POFUT3: variants seen among roughly 807,000 people sequenced by gnomAD.
POFUT3 encodes the protein GDP-fucose protein O-fucosyltransferase 3.
chr8:33,406,234 G>GA, the POFUT3 span, among the ~76,000 whole-genome samples: 1,122 of 148,864 alleles, frequency 7.5e-3, 24 homozygotes, highest in Admixed American at 0.022. Flanking sequence ...ATTCTAACAT[G>GA]AAAAAAAAAA....
At chr8:33,416,095 CA>C in the POFUT3 span, among the ~76,000 whole-genome samples, 1 of 151,798 alleles carries the variant, frequency 6.6e-6, no homozygotes, top group African/African-American at 2.4e-5. Context: ...ATCCAGAAAA[CA>C]AAAACAATCA....
the POFUT3 span, among the ~76,000 whole-genome samples, chr8:33,308,928 T>C: frequency 2.7e-5 from 4 of 148,590 alleles, no homozygotes; most frequent in East Asian, 4.0e-4. Flanking sequence ...GTGAGTGTAG[T>C]GTCTGACTCT....
At chr8:33,318,278 GA>G in the POFUT3 span, among the ~76,000 whole-genome samples, 1 of 151,244 alleles carries the variant, frequency 6.6e-6, no homozygotes, top group Non-Finnish European at 1.5e-5. Context: ...ACCTAAAAAG[GA>G]AAGCTTGTAA....
chr8:33,466,228 G>A, the POFUT3 span, among the ~76,000 whole-genome samples: 2 of 151,842 alleles, frequency 1.3e-5, no homozygotes, highest in Non-Finnish European at 2.9e-5. Flanking sequence ...ACTAGCCTGG[G>A]CAACAAAACA....
At chr8:33,390,299 G>C in the POFUT3 span, among the ~76,000 whole-genome samples, 1 of 152,052 alleles carries the variant, frequency 6.6e-6, no homozygotes, top group African/African-American at 2.4e-5. Flanking sequence ...AAACTACTGA[G>C]GGAGAGGATC....
chr8:33,350,494 C>T, the POFUT3 span, among the ~76,000 whole-genome samples: 1 of 151,900 alleles, frequency 6.6e-6, no homozygotes, highest in Non-Finnish European at 1.5e-5. Context: ...AGACCCTGCA[C>T]AAAAATAGTA....
chr8:33,380,082 A>G, the POFUT3 span, among the ~76,000 whole-genome samples: 2 of 70,082 alleles, frequency 2.9e-5, no homozygotes, highest in Non-Finnish European at 4.8e-5. Context: ...TATACACTAT[A>G]TATACTATAT....
At chr8:33,355,839 A>C in the POFUT3 span, among the ~76,000 whole-genome samples, 3 of 152,066 alleles carry the variant, frequency 2.0e-5, no homozygotes, top group Non-Finnish European at 4.4e-5. Context: ...ACGCCACAAC[A>C]GTCCCCAGAG....
the POFUT3 span, among the ~76,000 whole-genome samples, chr8:33,387,722 T>C: frequency 6.6e-6 from 1 of 152,160 alleles, no homozygotes; most frequent in Non-Finnish European, 1.5e-5. Context: ...AAGAATTGCT[T>C]GAACCTGGGA....
At chr8:33,309,581 G>C in the POFUT3 span, among the ~76,000 whole-genome samples, 1 of 151,992 alleles carries the variant, frequency 6.6e-6, no homozygotes, top group East Asian at 1.9e-4. Flanking sequence ...TAGATTTCTG[G>C]ACCCTCATCC....
chr8:33,372,853 C>T, the POFUT3 span: 2 of 1,541,322 alleles, frequency 1.3e-6, no homozygotes, highest in Non-Finnish European at 1.8e-6. Flanking sequence ...GATAATGAAG[C>T]ACAATTCCCT....
At chr8:33,388,496 C>T in the POFUT3 span, among the ~76,000 whole-genome samples, 1 of 151,740 alleles carries the variant, frequency 6.6e-6, no homozygotes, top group Admixed American at 6.6e-5. Flanking sequence ...GTCACCATGC[C>T]GGGCTAATTT....
At chr8:33,331,058 A>T in the POFUT3 span, among the ~76,000 whole-genome samples, 1 of 152,080 alleles carries the variant, frequency 6.6e-6, no homozygotes, top group Non-Finnish European at 1.5e-5. Flanking sequence ...AATACTGAGT[A>T]GGGCTGGGCA....
chr8:33,413,636 C>T, the POFUT3 span, among the ~76,000 whole-genome samples: 135 of 152,320 alleles, frequency 8.9e-4, 2 homozygotes, highest in African/African-American at 3.0e-3. Flanking sequence ...TCTGCCATCT[C>T]TGTCCTTCTC....
At chr8:33,422,189 T>A in the POFUT3 span, among the ~76,000 whole-genome samples, 1 of 151,628 alleles carries the variant, frequency 6.6e-6, no homozygotes. Flanking sequence ...TCCAAGATGT[T>A]CTTCCTTTGC....
the POFUT3 span, among the ~76,000 whole-genome samples, chr8:33,462,330 A>C: frequency 6.6e-6 from 1 of 152,070 alleles, no homozygotes; most frequent in Non-Finnish European, 1.5e-5. Flanking sequence ...TTCCCTTCTA[A>C]GTTTCAAAGG....
chr8:33,329,589 A>G, the POFUT3 span, among the ~76,000 whole-genome samples: 1 of 152,224 alleles, frequency 6.6e-6, no homozygotes, highest in Admixed American at 6.5e-5. Context: ...CATTCGTGAC[A>G]TAATGTGACT....
At chr8:33,376,823 G>C in the POFUT3 span, among the ~76,000 whole-genome samples, 1 of 152,172 alleles carries the variant, frequency 6.6e-6, no homozygotes, top group African/African-American at 2.4e-5. Context: ...ACAAAATCAC[G>C]TAAGGAGATG....
At chr8:33,389,559 T>C in the POFUT3 span, 1 of 1,614,090 alleles carries the variant, frequency 6.2e-7, no homozygotes, top group Non-Finnish European at 8.5e-7. Flanking sequence ...TTTCTAAGCT[T>C]GTTTTTGGAC....
Sources: allele counts gnomAD v4.1 joint callset (sites outside exome capture counted in the v4.1 genomes callset), GRCh38; gene constraint gnomAD v4.1.1; transcripts MANE v1.5; gene names NCBI Gene and HGNC (gene_info 2026-07-23, HGNC 2026-07-21).